RNF220: variants seen among roughly 807,000 people sequenced by gnomAD.
RNF220 encodes E3 ubiquitin-protein ligase RNF220.
A neutral mutation model predicts 67.1 loss-of-function variants in RNF220; 7 were observed. The observed-to-expected ratio is 0.10, with a 90% CI of 0.06 to 0.20. The LOEUF is 0.20. RNF220 is among the 10% of genes least tolerant of loss of function. The pLI is 1.00. For synonymous variants in RNF220, 270 were observed against 283.2 expected (o/e 0.95, Z 0.47); for missense variants, 565 against 740.3 (o/e 0.76, Z 2.75).
chr1:44,583,304 G>T lies in RNF220; in HGVS notation c.626-30861G>T, dbSNP rs577032353. On this transcript the variant is annotated intron_variant, in intron 2 of 14. Transcript: ENST00000361799. ...CTAATCTCTGCAGGTTCTATTCTAG[G>T]CTCCGTGTACCCAGAAGTAAGCAGC... Among the ~76,000 whole-genome samples, 297 of 152,052 alleles carry T rather than the reference G, an allele frequency of 2.0e-3. 2 individuals are homozygous for T. The highest frequency in any genetic ancestry group is 3.5e-3 in the Admixed American group (54 of 15,276).
intron 2 of RNF220, among the ~76,000 whole-genome samples, chr1:44,446,500 A>C (rs1173434172): frequency 6.6e-6 from 1 of 151,160 alleles, no homozygotes; most frequent in East Asian, 1.9e-4. Flanking sequence ...AATCTTATAG[A>C]TGTTTCAGCT....
At chr1:44,590,785 T>C (rs1479440646) in intron 2 of RNF220, among the ~76,000 whole-genome samples, 2 of 152,126 alleles carry the variant, frequency 1.3e-5, no homozygotes, top group African/African-American at 2.4e-5. Flanking sequence ...GTTAAAGAAA[T>C]AGACAAGTAA....
chr1:44,440,371 G>C (rs114374721), intron 2 of RNF220, among the ~76,000 whole-genome samples: 1,644 of 152,276 alleles, frequency 0.011, 9 homozygotes, highest in Middle Eastern at 0.017. Flanking sequence ...AGTGTGCAAG[G>C]GTGGAGAGTG....
chr1:44,621,784 T>C lies in RNF220; in HGVS notation c.759-958T>C, dbSNP rs1643805835. The stretch of plus-strand genomic sequence containing the variant: ...TGTGTTCTTCTGCTTTCCGGGTATA[T>C]CTGCAGGTGTGCTGTACGTTATACC... On this transcript the variant is annotated intron_variant, in intron 3 of 14. Coordinates refer to ENST00000361799, the MANE Select transcript of RNF220 (RefSeq NM_018150.4). This position sits in a 1 kb window ranked among gnomAD's most constrained non-coding sequence, Gnocchi z 4.8. 6.6e-6 allele frequency among the ~76,000 whole-genome samples: 1 copy of C among 152,196 alleles called. No individual in the cohort carries two copies. The highest frequency in any genetic ancestry group is 1.5e-5 in the Non-Finnish European group (1 of 68,044).
At chr1:44,488,553 G>C (rs972089588) in intron 2 of RNF220, among the ~76,000 whole-genome samples, 1 of 152,150 alleles carries the variant, frequency 6.6e-6, no homozygotes, top group Non-Finnish European at 1.5e-5. Context: ...GAGCTCAAAT[G>C]ATCCTCCTGC....
intron 2 of RNF220, among the ~76,000 whole-genome samples, chr1:44,434,484 G>A (rs1650738490): frequency 1.3e-5 from 2 of 151,996 alleles, no homozygotes; most frequent in Admixed American, 6.6e-5. Context: ...CGAGGCGGGC[G>A]GATCACGAGG....
At chr1:44,627,303 C>T (rs1390543725) in intron 5 of RNF220, among the ~76,000 whole-genome samples, 1 of 144,252 alleles carries the variant, frequency 6.9e-6, no homozygotes, top group Admixed American at 7.2e-5. Flanking sequence ...TGAGACCACG[C>T]CATTGTACTC....
Position 44,650,994 on chromosome 1 carries a change from G to A in RNF220, c.*219G>A. ...GCACTACCTGCTGGCTCCCACCTAT[G>A]GTTTGGGGGCCATACCTGTTCCAGC... is the stretch of plus-strand genomic sequence containing the variant. On this transcript the variant is annotated 3_prime_UTR_variant, in exon 15 of 15. Coordinates refer to ENST00000361799, the MANE Select transcript of RNF220 (RefSeq NM_018150.4). The surrounding 1 kb of genome is among the most constrained non-coding windows in gnomAD (Gnocchi z 4.3). 2 of 570,706 alleles carry A rather than the reference G, an allele frequency of 3.5e-6. No individual in the cohort carries two copies. The highest frequency in any genetic ancestry group is 3.2e-6 in the Non-Finnish European group (1 of 309,928). The allele number at this position is 570,706 out of a possible 1,614,324, so 35.4% of individuals were successfully genotyped here.
At chr1:44,588,466 C>A (rs1665869568) in intron 2 of RNF220, among the ~76,000 whole-genome samples, 1 of 152,324 alleles carries the variant, frequency 6.6e-6, no homozygotes, top group South Asian at 2.1e-4. Context: ...GCCCTCTAAG[C>A]CAGATGATTT....
At chr1:44,632,145 C>A (rs780822864) in intron 5 of RNF220, 198 bp from the exon 6 acceptor site, 1 of 1,539,018 alleles carries the variant, frequency 6.5e-7, no homozygotes, top group Admixed American at 2.0e-5. Flanking sequence ...TAGAGCAGCG[C>A]CCGGCGGCTA....
At chr1:44,419,890 C>A (rs1649017763) in intron 2 of RNF220, 1 of 152,152 alleles carries the variant, frequency 6.6e-6, no homozygotes, top group African/African-American at 2.4e-5. Flanking sequence ...CTACTTTTTT[C>A]TCCTAACCCT....
chr1:44,644,863 C>T, intron 9 of RNF220, 69 bp downstream of exon 9: 3 of 1,524,610 alleles, frequency 2.0e-6, no homozygotes, highest in Non-Finnish European at 2.7e-6. Flanking sequence ...AAAAGTAGCT[C>T]TTCTAGTATT....
chr1:44,632,320 A>C (rs769719322), intron 5 of RNF220, 23 bp from the exon 6 acceptor site: 3 of 1,614,020 alleles, frequency 1.9e-6, no homozygotes, highest in Non-Finnish European at 2.5e-6. Flanking sequence ...CTTTTCTTGC[A>C]TCTGCCCGCG....
At chr1:44,472,992 T>C (rs1379947062) in intron 2 of RNF220, among the ~76,000 whole-genome samples, 1 of 152,180 alleles carries the variant, frequency 6.6e-6, no homozygotes, top group African/African-American at 2.4e-5. Flanking sequence ...TTCATGTCTC[T>C]AGACCATACT....
At position 44,412,482 on chromosome 1, in the gene RNF220, C is replaced by G. The variant is rs368472198; in HGVS notation, c.385C>G (p.Arg129Gly). Residue 129 changes from arginine to glycine, a missense_variant, in exon 2 of 15, where the codon CGG becomes GGG. By Grantham distance (125) the Arg-to-Gly change is moderately radical (BLOSUM62 -2). Transcript: ENST00000361799. The surrounding 1 kb of genome is among the most constrained non-coding windows in gnomAD (Gnocchi z 5.3). ...CCGGCCCTTTGCCTCCACCGAGGAC[C>G]GGGAGAGCTATCAGTCAGCCTTTAC... ...AFRPFASTED[R>G]ESYQSAFTPA... 1.2e-6 allele frequency: 2 copies of G among 1,611,422 alleles called. No individual in the cohort carries two copies. Among genetic ancestry groups the G allele is most frequent in the Non-Finnish European group, 1.7e-6 (2 of 1,177,850 alleles).
chr1:44,590,728 C>T (rs1225782025), intron 2 of RNF220, among the ~76,000 whole-genome samples: 2 of 152,176 alleles, frequency 1.3e-5, no homozygotes, highest in Admixed American at 6.5e-5. Context: ...GATTCATTCA[C>T]CTTCCACTAA....
intron 2 of RNF220, among the ~76,000 whole-genome samples, chr1:44,445,571 A>T (rs1651992242): frequency 6.6e-6 from 1 of 151,732 alleles, no homozygotes; most frequent in Admixed American, 6.6e-5. Flanking sequence ...CCTTAAACAC[A>T]TAAAATTGTT....
intron 2 of RNF220, among the ~76,000 whole-genome samples, chr1:44,532,288 T>C (rs1406355725): frequency 1.3e-5 from 2 of 152,212 alleles, no homozygotes; most frequent in Non-Finnish European, 2.9e-5. Context: ...ATACTGACCT[T>C]ATCAACTAAA....
At chr1:44,521,368 C>T (rs1374814859) in intron 2 of RNF220, among the ~76,000 whole-genome samples, 1 of 152,226 alleles carries the variant, frequency 6.6e-6, no homozygotes, top group Non-Finnish European at 1.5e-5. Flanking sequence ...ACATTCTTTG[C>T]CGTCATGGAG....
Sources: allele counts gnomAD v4.1 joint callset (sites outside exome capture counted in the v4.1 genomes callset), GRCh38; gene constraint gnomAD v4.1.1; non-coding constraint Gnocchi (gnomAD v3.1); transcripts MANE v1.5; gene names NCBI Gene and HGNC (gene_info 2026-07-23, HGNC 2026-07-21).